Variants in DCC observed in about 807,000 individuals in gnomAD.
The protein encoded by DCC is netrin receptor DCC.
A neutral mutation model predicts 172.5 loss-of-function variants in DCC; 58 were observed. The observed-to-expected ratio is 0.34, with a 90% confidence interval of 0.27 to 0.42. DCC has a LOEUF of 0.42. Among genes scored for constraint, DCC ranks in the 10% least tolerant of loss-of-function variants. DCC has a pLI of 1.00. For missense variants in DCC, 1,740 were observed against 1,791.0 expected, an observed-to-expected ratio of 0.97 and a Z score of 0.51; for synonymous variants, 709 against 644.5, an observed-to-expected ratio of 1.10 and a Z score of -1.52.
intron 7 of DCC, among the ~76,000 whole-genome samples, chr18:53,151,129 A>G (rs962443700): frequency 6.6e-6 from 1 of 152,244 alleles, no homozygotes; most frequent in African/African-American, 2.4e-5. Flanking sequence ...TGGATTAATA[A>G]TTGGATGCAT....
intron 12 of DCC, among the ~76,000 whole-genome samples, chr18:53,260,583 C>T (rs938563729): frequency 6.6e-6 from 1 of 152,066 alleles, no homozygotes; most frequent in Non-Finnish European, 1.5e-5. Context: ...CGGAGGAGTA[C>T]CTGGCTGTGT....
intron 5 of DCC, among the ~76,000 whole-genome samples, chr18:52,937,534 C>G (rs1242766107): frequency 6.6e-6 from 1 of 152,086 alleles, no homozygotes; most frequent in Non-Finnish European, 1.5e-5. Flanking sequence ...TTTGGTGAGA[C>G]AAGGTCTCTC....
chr18:53,250,432 C>CT (rs2056415325), intron 12 of DCC, among the ~76,000 whole-genome samples: 1 of 151,808 alleles, frequency 6.6e-6, no homozygotes, highest in African/African-American at 2.4e-5. Flanking sequence ...GGACAAGTGA[C>CT]TTGGCAATCA....
chr18:52,552,003 G>C (rs2032788791), intron 1 of DCC, among the ~76,000 whole-genome samples: 1 of 152,086 alleles, frequency 6.6e-6, no homozygotes, highest in Non-Finnish European at 1.5e-5. Flanking sequence ...ACAGAAGGTA[G>C]TAATGATTTT....
At chr18:53,504,001 G>A (rs928511091) in intron 27 of DCC, among the ~76,000 whole-genome samples, 24 of 152,130 alleles carry the variant, frequency 1.6e-4, no homozygotes, top group African/African-American at 4.8e-4. Flanking sequence ...GATTTTCCCC[G>A]TGCAAATTGT....
intron 1 of DCC, among the ~76,000 whole-genome samples, chr18:52,499,862 A>T (rs1263573489): frequency 1.1e-4 from 16 of 152,154 alleles, no homozygotes; most frequent in Admixed American, 1.0e-3. Flanking sequence ...TAAGGTCCTC[A>T]TAAATCATTC....
chr18:52,983,219 T>A (rs2041238398), intron 5 of DCC, among the ~76,000 whole-genome samples: 2 of 152,078 alleles, frequency 1.3e-5, no homozygotes, highest in African/African-American at 4.8e-5. Flanking sequence ...ACACCAGAGT[T>A]AAGACTTGAA....
chr18:52,480,505 G>T (rs2144581430), intron 1 of DCC, among the ~76,000 whole-genome samples: 1 of 152,260 alleles, frequency 6.6e-6, no homozygotes, highest in African/African-American at 2.4e-5. Context: ...CAACACAAGT[G>T]TCCCACTGAG....
intron 25 of DCC, among the ~76,000 whole-genome samples, chr18:53,480,238 T>G (rs748080277): frequency 2.6e-5 from 4 of 152,184 alleles, no homozygotes; most frequent in Admixed American, 1.3e-4. Context: ...AGTTTCCTTC[T>G]CACAGTTCAC....
intron 24 of DCC, among the ~76,000 whole-genome samples, chr18:53,464,809 C>T (rs2145177462): frequency 6.6e-6 from 1 of 151,386 alleles, no homozygotes; most frequent in Admixed American, 6.6e-5. Flanking sequence ...GGAGAAACCC[C>T]TCTCTAGTAA....
At chr18:53,158,010 G>A (rs1248037775) in intron 8 of DCC, among the ~76,000 whole-genome samples, 1 of 152,122 alleles carries the variant, frequency 6.6e-6, no homozygotes, top group Non-Finnish European at 1.5e-5. Context: ...ACAAATGCTT[G>A]AGGTGATGGA....
chr18:52,987,264 C>T (rs1050089648), intron 5 of DCC, among the ~76,000 whole-genome samples: 4 of 152,132 alleles, frequency 2.6e-5, no homozygotes, highest in African/African-American at 9.7e-5. Context: ...TCAGCTCTGT[C>T]CCAACAGCCC....
chr18:53,100,953 G>A (rs1006421633), intron 7 of DCC, among the ~76,000 whole-genome samples: 2 of 128,316 alleles, frequency 1.6e-5, no homozygotes, highest in South Asian at 2.3e-4. Flanking sequence ...AATGGGTGTC[G>A]TTACTATCCA....
chr18:53,068,683 G>C (rs1039260656), intron 7 of DCC, among the ~76,000 whole-genome samples: 2 of 151,898 alleles, frequency 1.3e-5, no homozygotes, highest in South Asian at 4.2e-4. Flanking sequence ...ATTCTTTGAA[G>C]TGCTAGAATT....
intron 21 of DCC, among the ~76,000 whole-genome samples, chr18:53,430,356 A>G (rs540287538): frequency 6.6e-6 from 1 of 152,246 alleles, no homozygotes; most frequent in South Asian, 2.1e-4. Flanking sequence ...ATGCCCATTC[A>G]GGGAAGATGG....
intron 2 of DCC, among the ~76,000 whole-genome samples, chr18:52,820,819 G>A (rs1431728): frequency 0.029 from 4,474 of 152,242 alleles, 152 homozygotes; most frequent in East Asian, 0.09. Flanking sequence ...CTAGCAATTA[G>A]AAGTTAGGAA....
At chr18:53,108,830 A>T (rs555161551) in intron 7 of DCC, among the ~76,000 whole-genome samples, 150 of 151,702 alleles carry the variant, frequency 9.9e-4, no homozygotes, top group African/African-American at 3.5e-3. Context: ...GCGTTCTACC[A>T]ATGATGGGTG....
intron 1 of DCC, among the ~76,000 whole-genome samples, chr18:52,494,707 T>G (rs117072189): frequency 0.012 from 1,882 of 152,206 alleles, 19 homozygotes; most frequent in South Asian, 0.021. Context: ...AATTATTCAT[T>G]CTTTGCATCT....
intron 1 of DCC, among the ~76,000 whole-genome samples, chr18:52,460,386 C>CT (rs889471355): frequency 6.6e-6 from 1 of 152,178 alleles, no homozygotes; most frequent in Non-Finnish European, 1.5e-5. Context: ...ATCACTCCCT[C>CT]TTTTTTTCAA....
Sources: gnomAD v4.1 joint callset for allele counts (sites outside exome capture counted in the v4.1 genomes callset) on GRCh38, gnomAD v4.1.1 for gene constraint, MANE v1.5 for transcripts, NCBI Gene and HGNC (gene_info 2026-07-23, HGNC 2026-07-21) for gene names.